The following CADM2 variants were observed in gnomAD, a reference collection of about 807,000 sequenced individuals.
The protein encoded by CADM2 is immunoglobulin superfamily member 4D.
In CADM2, 12 loss-of-function variants were observed where a neutral mutation model predicts 49.8. That is an observed-to-expected ratio of 0.24 (90% CI 0.15 to 0.39). The LOEUF is 0.39. Among genes scored for constraint, CADM2 ranks in the 10% least tolerant of loss-of-function variants. The probability of loss-of-function intolerance (pLI) is 1.00; values close to 1 mark genes in which losing one functional copy is unlikely to be tolerated. For missense variants in CADM2, 378 were observed against 492.3 expected, an observed-to-expected ratio of 0.77 and a Z score of 2.20; for synonymous variants, 214 against 175.4, an observed-to-expected ratio of 1.22 and a Z score of -1.74.
At chr3:85,417,913 C>T (rs1027700419) in intron 1 of CADM2, among the ~76,000 whole-genome samples, 1 of 152,032 alleles carries the variant, frequency 6.6e-6, no homozygotes, top group African/African-American at 2.4e-5. Flanking sequence ...TGAGATGCTG[C>T]AATTTTGACA....
chr3:85,090,468 G>T (rs1433095716), intron 1 of CADM2, among the ~76,000 whole-genome samples: 5 of 152,134 alleles, frequency 3.3e-5, no homozygotes, highest in African/African-American at 1.2e-4. Flanking sequence ...CAAATGAATA[G>T]ATTTTTCTAT....
rs557234855 is a variant in CADM2, at chr3:85,240,565, A to G, written c.61+280897A>G. 1.2e-3 allele frequency among the ~76,000 whole-genome samples: 180 copies of G among 151,634 alleles called. 1 individual carries two copies. The highest frequency in any genetic ancestry group is 2.1e-3 in the Non-Finnish European group (144 of 67,558). The stretch of plus-strand genomic sequence containing the variant: ...AAATGAATGGTTTGAGGATAGATTC[A>G]AATAGGGAACCCAACTCTAAGTGTG... On this transcript the variant is annotated intron_variant, in intron 1 of 9. Coordinates refer to ENST00000383699, the MANE Select transcript of CADM2 (RefSeq NM_001167675.2).
intron 1 of CADM2, among the ~76,000 whole-genome samples, chr3:85,639,058 TAA>T (rs1281588686): frequency 6.6e-6 from 1 of 152,146 alleles, no homozygotes; most frequent in Non-Finnish European, 1.5e-5. Flanking sequence ...ATTTTAAACT[TAA>T]GAGTAATCAA....
intron 1 of CADM2, among the ~76,000 whole-genome samples, chr3:85,135,207 A>G (rs1291906710): frequency 1.3e-5 from 2 of 152,044 alleles, no homozygotes; most frequent in African/African-American, 2.4e-5. Context: ...TTTACAAAGC[A>G]AAAAATAGTC....
At chr3:85,146,341 T>C (rs2039740291) in intron 1 of CADM2, among the ~76,000 whole-genome samples, 2 of 152,138 alleles carry the variant, frequency 1.3e-5, no homozygotes, top group Non-Finnish European at 2.9e-5. Context: ...TTGATGAATG[T>C]CTCATTAAAG....
At chr3:85,173,850 ATATTTTGTT>A (rs1194647755) in intron 1 of CADM2, among the ~76,000 whole-genome samples, 20 of 152,222 alleles carry the variant, frequency 1.3e-4, no homozygotes, top group African/African-American at 4.6e-4. Context: ...TCTGTTGGTC[ATATTTTGTT>A]TATGTCTAAA....
intron 1 of CADM2, among the ~76,000 whole-genome samples, chr3:85,128,075 AT>A (rs139617054): frequency 0.011 from 1,606 of 152,306 alleles, 19 homozygotes; most frequent in Non-Finnish European, 0.018. Flanking sequence ...CATTTCCATT[AT>A]TGCAGAAAGT....
intron 1 of CADM2, among the ~76,000 whole-genome samples, chr3:85,308,624 C>G (rs1338324091): frequency 6.6e-6 from 1 of 151,850 alleles, no homozygotes; most frequent in African/African-American, 2.4e-5. Context: ...AGCCCTTATC[C>G]CAATACCACC....
intron 1 of CADM2, among the ~76,000 whole-genome samples, chr3:85,611,215 A>C (rs981058338): frequency 2.4e-4 from 37 of 151,260 alleles, no homozygotes; most frequent in African/African-American, 8.0e-4. Flanking sequence ...TTAAATATTA[A>C]AGTGTTTAAT....
intron 8 of CADM2, among the ~76,000 whole-genome samples, chr3:86,007,493 A>G (rs949599615): frequency 1.3e-5 from 2 of 152,198 alleles, no homozygotes; most frequent in African/African-American, 4.8e-5. Context: ...AAATAAATAA[A>G]TATAGAATTT....
rs1005238100 is a variant in CADM2, at chr3:85,393,258, T to A, written c.62-333264T>A. Among the ~76,000 whole-genome samples the A allele has an allele frequency of 2.0e-5, 3 of 152,038 alleles. No individual in the cohort carries two copies. The East Asian group carries it at 5.8e-4, about 29-fold the overall frequency. The stretch of plus-strand genomic sequence containing the variant: ...TTGAGTTTAGGTGTTCAGAACTTGA[T>A]GGTAAATTTGGCGCACATAATGATG... On this transcript the variant is annotated intron_variant, in intron 1 of 9. Coordinates refer to ENST00000383699, the MANE Select transcript of CADM2 (RefSeq NM_001167675.2).
intron 1 of CADM2, among the ~76,000 whole-genome samples, chr3:85,477,243 A>AACACACACACACACACACAC (rs139955724): frequency 6.9e-6 from 1 of 144,754 alleles, no homozygotes; most frequent in African/African-American, 2.6e-5. Context: ...GATTCCCTTA[A>AACACACACACACACACACAC]ACACACACAC....
chr3:85,392,306 G>A (rs79092234), intron 1 of CADM2, among the ~76,000 whole-genome samples: 6,976 of 152,050 alleles, frequency 0.046, 541 homozygotes, highest in African/African-American at 0.16. Flanking sequence ...CCTAGTAGAT[G>A]TTGACTTGAG....
At chr3:85,969,616 G>T (rs181626139) in intron 8 of CADM2, among the ~76,000 whole-genome samples, 11 of 150,798 alleles carry the variant, frequency 7.3e-5, no homozygotes, top group Non-Finnish European at 1.0e-4. Context: ...ATGTTTGTGT[G>T]TCTATATATA....
chr3:85,565,888 T>A (rs924332511), intron 1 of CADM2, among the ~76,000 whole-genome samples: 1 of 152,078 alleles, frequency 6.6e-6, no homozygotes, highest in African/African-American at 2.4e-5. Context: ...CTTACACTTT[T>A]TTTTTTGTTT....
At chr3:85,383,508 ATATATATG>A (rs1295714061) in intron 1 of CADM2, among the ~76,000 whole-genome samples, 2,371 of 8,220 alleles carry the variant, frequency 0.29, 70 homozygotes, top group African/African-American at 0.35. Flanking sequence ...AAAACCATAT[ATATATATG>A]TATATATATA....
intron 1 of CADM2, among the ~76,000 whole-genome samples, chr3:85,362,665 G>A (rs1278625692): frequency 2.0e-5 from 3 of 152,082 alleles, no homozygotes; most frequent in African/African-American, 7.2e-5. Context: ...TTGGTGAATG[G>A]GGGAGCAAGT....
chr3:86,001,525 C>A, intron 8 of CADM2, among the ~76,000 whole-genome samples: 1 of 151,974 alleles, frequency 6.6e-6, no homozygotes, highest in East Asian at 1.9e-4. Flanking sequence ...TATGATTAGG[C>A]AAGTACAATG....
At chr3:85,594,508 A>G (rs968872853) in intron 1 of CADM2, among the ~76,000 whole-genome samples, 3 of 151,988 alleles carry the variant, frequency 2.0e-5, no homozygotes, top group South Asian at 2.1e-4. Context: ...GTGAATGACT[A>G]TAATGAAAAA....
Sources: gnomAD v4.1 joint callset for allele counts (sites outside exome capture counted in the v4.1 genomes callset) on GRCh38, gnomAD v4.1.1 for gene constraint, MANE v1.5 for transcripts, NCBI Gene and HGNC (gene_info 2026-07-23, HGNC 2026-07-21) for gene names.